The following FRMPD1 variants were observed in gnomAD, a reference collection of about 807,000 sequenced individuals.
The protein encoded by FRMPD1 is FERM and PDZ domain-containing protein 1.
FRMPD1 carries 76 observed loss-of-function variants against 117.8 expected under a neutral mutation model. That is an observed-to-expected ratio of 0.65 (90% confidence interval 0.54 to 0.78). The LOEUF (loss-of-function observed/expected upper bound fraction) is 0.78, where lower values mean the gene tolerates loss of function less well. Ranked by LOEUF, FRMPD1 falls within the 30% of genes least tolerant of loss-of-function variation. The pLI is 0.00. For missense variants in FRMPD1, 1,786 were observed against 1,964.5 expected (o/e 0.91, Z 1.72); for synonymous variants, 783 against 770.4 (o/e 1.02, Z -0.27).
intron 5 of FRMPD1, among the ~76,000 whole-genome samples, chr9:37,711,858 G>C (rs1046038287): frequency 6.6e-6 from 1 of 152,224 alleles, no homozygotes; most frequent in Non-Finnish European, 1.5e-5. Flanking sequence ...ACACGGCAAG[G>C]TGTGGCATAG....
the FRMPD1 span, among the ~76,000 whole-genome samples, chr9:37,635,401 C>CT: frequency 5.3e-5 from 8 of 152,128 alleles, no homozygotes; most frequent in East Asian, 9.6e-4. Context: ...TCTGACTCCC[C>CT]TTTTTTTGAA....
the FRMPD1 span, among the ~76,000 whole-genome samples, chr9:37,629,386 T>C: frequency 6.6e-6 from 1 of 152,218 alleles, no homozygotes; most frequent in Non-Finnish European, 1.5e-5. Context: ...TTGAGGCAGA[T>C]GTTGGTGCTG....
At chr9:37,702,254 A>G (rs913402646) in intron 2 of FRMPD1, among the ~76,000 whole-genome samples, 1 of 152,252 alleles carries the variant, frequency 6.6e-6, no homozygotes, top group Non-Finnish European at 1.5e-5. Flanking sequence ...TTAGATATGT[A>G]CAGTATTTTG....
intron 1 of FRMPD1, among the ~76,000 whole-genome samples, chr9:37,682,762 A>C (rs1373535423): frequency 2.0e-5 from 3 of 152,296 alleles, no homozygotes. Context: ...AAAATGGTGG[A>C]AAGGTGAGAA....
In FRMPD1 at chr9:37,673,226, G is replaced by A. The variant is rs990849533; in HGVS notation, c.-4-19412G>A. Among the ~76,000 whole-genome samples the A allele has an allele frequency of 5.3e-5, 8 of 152,296 alleles. No individual in the cohort carries two copies. In the East Asian group the frequency reaches 7.7e-4, roughly 15 times the overall value. On this transcript the variant is annotated intron_variant, in intron 1 of 15. Transcript: ENST00000377765. ...GTAAACACAGCCATTCCAAATGGGAGAAATTGGCCAAAACAAAGGTGTTAC... is the reference window on the plus strand; with the variant it reads ...GTAAACACAGCCATTCCAAATGGGAAAAATTGGCCAAAACAAAGGTGTTAC...
intron 6 of FRMPD1, among the ~76,000 whole-genome samples, chr9:37,719,979 A>G (rs1823321861): frequency 6.6e-6 from 1 of 152,196 alleles, no homozygotes; most frequent in African/African-American, 2.4e-5. Context: ...GAAACTTCAA[A>G]GTTGAAACTT....
At chr9:37,649,193 G>A (rs927129469), upstream of FRMPD1, among the ~76,000 whole-genome samples, 1 of 152,194 alleles carries the variant, frequency 6.6e-6, no homozygotes, top group Non-Finnish European at 1.5e-5. Context: ...GTGTTTAACT[G>A]CCTTGGAGAG....
At chr9:37,672,037 C>T (rs62533876) in intron 1 of FRMPD1, among the ~76,000 whole-genome samples, 14,393 of 151,978 alleles carry the variant, frequency 0.095, 966 homozygotes, top group African/African-American at 0.19. Context: ...CCTAAGCTTG[C>T]GGGGAGACAA....
At chr9:37,695,653 A>G (rs1238602933) in intron 2 of FRMPD1, among the ~76,000 whole-genome samples, 1 of 152,144 alleles carries the variant, frequency 6.6e-6, no homozygotes, top group Non-Finnish European at 1.5e-5. Flanking sequence ...TTTCCTAGGA[A>G]TAGACTAAAT....
chr9:37,645,609 A>G, the FRMPD1 span, among the ~76,000 whole-genome samples: 331 of 152,346 alleles, frequency 2.2e-3, 3 homozygotes, highest in African/African-American at 6.4e-3. Flanking sequence ...TCTCTTCACC[A>G]GTACACAGAT....
At chr9:37,648,354 T>TAG (rs1023348499), upstream of FRMPD1, among the ~76,000 whole-genome samples, 5 of 152,118 alleles carry the variant, frequency 3.3e-5, no homozygotes, top group African/African-American at 9.6e-5. Context: ...TGGGGTGAGG[T>TAG]AGAGATGGCG....
rs528042215 is a variant in FRMPD1, at chr9:37,737,058, G to A, written c.1402-38G>A. On this transcript the variant is annotated intron_variant, in intron 13 of 15. Transcript: ENST00000377765. ...TTGTCAGTCTTCAGACTGTCCCTTG[G>A]TCCTTGATAAACATGAGATTTCTAT... 4.6e-5 allele frequency: 72 copies of A among 1,569,490 alleles called. No individual in the cohort carries two copies. The East Asian group carries it at 1.3e-3, about 29-fold the overall frequency.
At chr9:37,634,764 CT>C in the FRMPD1 span, among the ~76,000 whole-genome samples, 107 of 143,210 alleles carry the variant, frequency 7.5e-4, no homozygotes, top group Admixed American at 9.1e-4. Context: ...TTTTCTTCTT[CT>C]TTTTTTTTTT....
intron 5 of FRMPD1, among the ~76,000 whole-genome samples, chr9:37,717,367 G>GTGTGTGTT (rs1823178337): frequency 1.3e-5 from 1 of 77,450 alleles, no homozygotes; most frequent in Admixed American, 1.2e-4. Flanking sequence ...GTGTGTGTGT[G>GTGTGTGTT]TGTATATATA....
chr9:37,745,128 A>C lies in FRMPD1; in HGVS notation c.3096A>C (p.Gly1032=). ...PDRACLASNP[G]LNNVSQGDTL... ...GAGCCTGCCTGGCCAGCAACCCAGGACTAAATAATGTCTCTCAAGGAGACA... is the reference window on the plus strand; with the variant it reads ...GAGCCTGCCTGGCCAGCAACCCAGGCCTAAATAATGTCTCTCAAGGAGACA... Residue 1032 remains glycine, a synonymous_variant, in exon 16 of 16, where the codon GGA becomes GGC. Transcript: ENST00000377765. 6.2e-7 allele frequency: 1 copy of C among 1,614,070 alleles called. No homozygotes were observed. The highest frequency in any genetic ancestry group is 8.5e-7 in the Non-Finnish European group (1 of 1,180,014).
At chr9:37,683,258 C>A (rs981541659) in intron 1 of FRMPD1, among the ~76,000 whole-genome samples, 1 of 152,228 alleles carries the variant, frequency 6.6e-6, no homozygotes, top group Non-Finnish European at 1.5e-5. Context: ...TAGACTTCTT[C>A]TACTTCAAAC....
intron 1 of FRMPD1, among the ~76,000 whole-genome samples, chr9:37,655,652 T>G (rs1563919748): frequency 6.6e-6 from 1 of 151,880 alleles, no homozygotes; most frequent in South Asian, 2.1e-4. Context: ...TACAGGCACC[T>G]GCCACCATGC....
At chr9:37,721,435 A>G (rs1463289151) in intron 6 of FRMPD1, among the ~76,000 whole-genome samples, 1 of 152,262 alleles carries the variant, frequency 6.6e-6, no homozygotes, top group Non-Finnish European at 1.5e-5. Flanking sequence ...CTTTGCTCAC[A>G]GTTAAACAAA....
At chr9:37,730,479 A>T (rs1823821779) in intron 8 of FRMPD1, among the ~76,000 whole-genome samples, 1 of 152,236 alleles carries the variant, frequency 6.6e-6, no homozygotes, top group African/African-American at 2.4e-5. Flanking sequence ...CTCTTTGCAG[A>T]TGAATTCTTA....
Sources: gnomAD v4.1 joint callset for allele counts (sites outside exome capture counted in the v4.1 genomes callset) on GRCh38, gnomAD v4.1.1 for gene constraint, MANE v1.5 for transcripts, NCBI Gene and HGNC (gene_info 2026-07-23, HGNC 2026-07-21) for gene names.